PALLD: variants seen among roughly 807,000 people sequenced by gnomAD.
PALLD encodes palladin, cytoskeletal associated protein, also known as palladin.
PALLD carries 61 observed loss-of-function variants against 123.5 expected under a neutral mutation model. That is an observed-to-expected ratio of 0.49 (90% CI 0.40 to 0.61). The LOEUF is 0.61. Ranked by LOEUF, PALLD falls within the 20% of genes least tolerant of loss-of-function variation. The pLI is 0.00. For missense variants in PALLD, 1,273 were observed against 1,377.0 expected (o/e 0.92, Z 1.20); for synonymous variants, 465 against 496.4 (o/e 0.94, Z 0.84).
Position 168,803,852 on chromosome 4 carries a change from G to A in PALLD, c.1965-87070G>A, listed in dbSNP as rs75149005. ...ATGGGAGAGGACTTCAGTGCAAAAC[G>A]GTGTATGAAGTGTGTTGTCAGCAGA... On this transcript the variant is annotated intron_variant, in intron 10 of 21. Transcript: ENST00000505667. 8.9e-3 allele frequency among the ~76,000 whole-genome samples: 1,352 copies of A among 152,244 alleles called. 16 individuals are homozygous for A. Among genetic ancestry groups the A allele is most frequent in the Middle Eastern group, 0.024 (7 of 294 alleles).
intron 10 of PALLD, among the ~76,000 whole-genome samples, chr4:168,777,986 C>T (rs1050219184): frequency 4.6e-5 from 7 of 152,202 alleles, no homozygotes; most frequent in African/African-American, 1.4e-4. Flanking sequence ...CCAGACTCAC[C>T]TCAACCTCAG....
At chr4:168,804,373 A>G (rs1344414722) in intron 10 of PALLD, among the ~76,000 whole-genome samples, 7 of 152,246 alleles carry the variant, frequency 4.6e-5, no homozygotes, top group Admixed American at 4.6e-4. Context: ...AGGAACAAGG[A>G]ACTATAGGAG....
At chr4:168,628,938 A>C (rs1036624485) in intron 2 of PALLD, among the ~76,000 whole-genome samples, 1 of 152,192 alleles carries the variant, frequency 6.6e-6, no homozygotes, top group African/African-American at 2.4e-5. Flanking sequence ...ATGAACATAC[A>C]ATGTGGAAAG....
chr4:168,608,275 G>C (rs916658833), intron 2 of PALLD, among the ~76,000 whole-genome samples: 3 of 152,190 alleles, frequency 2.0e-5, no homozygotes, highest in Non-Finnish European at 4.4e-5. Flanking sequence ...TTTCTCAGAG[G>C]CATGAATCTG....
intron 15 of PALLD, among the ~76,000 whole-genome samples, chr4:168,912,902 A>T (rs1418319664): frequency 1.3e-5 from 2 of 152,172 alleles, no homozygotes; most frequent in African/African-American, 4.8e-5. Flanking sequence ...TCAATTGACA[A>T]ATTTAAGAGA....
chr4:168,857,311 T>C (rs2151010001), intron 10 of PALLD, among the ~76,000 whole-genome samples: 1 of 152,356 alleles, frequency 6.6e-6, no homozygotes, highest in Admixed American at 6.5e-5. Flanking sequence ...CATCTCAGGA[T>C]TTATTTATAA....
intron 2 of PALLD, among the ~76,000 whole-genome samples, chr4:168,600,046 T>A (rs113846738): frequency 1.4e-5 from 2 of 144,766 alleles, no homozygotes; most frequent in Non-Finnish European, 3.0e-5. Context: ...TACATGTGTA[T>A]ACACACATAT....
intron 10 of PALLD, among the ~76,000 whole-genome samples, chr4:168,813,145 A>C (rs1367861532): frequency 1.3e-5 from 2 of 152,066 alleles, no homozygotes; most frequent in African/African-American, 4.8e-5. Context: ...TTTCTACCAC[A>C]TGTTTAATGA....
intron 10 of PALLD, among the ~76,000 whole-genome samples, chr4:168,788,278 A>G (rs1004686632): frequency 1.7e-4 from 26 of 148,802 alleles, no homozygotes; most frequent in African/African-American, 5.6e-4. Context: ...GAAAATACAT[A>G]ATGACTGGTT....
intron 2 of PALLD, among the ~76,000 whole-genome samples, chr4:168,610,664 A>G (rs1773641447): frequency 6.6e-6 from 1 of 152,164 alleles, no homozygotes; most frequent in Non-Finnish European, 1.5e-5. Context: ...TCTAGAGGCC[A>G]ACTTCCATTC....
At chr4:168,669,915 G>A (rs1231754662) in intron 3 of PALLD, among the ~76,000 whole-genome samples, 1 of 151,992 alleles carries the variant, frequency 6.6e-6, no homozygotes, top group African/African-American at 2.4e-5. Flanking sequence ...CTTGTTCAAA[G>A]TCACACAATA....
chr4:168,545,789 A>C (rs1262568966), intron 2 of PALLD, among the ~76,000 whole-genome samples: 1 of 152,208 alleles, frequency 6.6e-6, no homozygotes, highest in Non-Finnish European at 1.5e-5. Flanking sequence ...TAATTACATA[A>C]TGTCAGTTTA....
At chr4:168,875,825 G>A (rs1404313259) in intron 10 of PALLD, among the ~76,000 whole-genome samples, 2 of 152,194 alleles carry the variant, frequency 1.3e-5, no homozygotes, top group African/African-American at 4.8e-5. Context: ...GGGCTTTCCT[G>A]CCCTGGTTTC....
At chr4:168,778,687 T>C (rs1735502074) in intron 10 of PALLD, among the ~76,000 whole-genome samples, 1 of 152,238 alleles carries the variant, frequency 6.6e-6, no homozygotes, top group South Asian at 2.1e-4. Flanking sequence ...ATGCCTTACT[T>C]GCGTAAGGAA....
intron 2 of PALLD, among the ~76,000 whole-genome samples, chr4:168,574,312 A>G (rs146824408): frequency 6.6e-6 from 1 of 152,208 alleles, no homozygotes; most frequent in African/African-American, 2.4e-5. Flanking sequence ...AGAAACAAAA[A>G]ATTAAGAAAG....
intron 2 of PALLD, chr4:168,631,612 G>A: frequency 2.0e-6 from 2 of 985,580 alleles, no homozygotes; most frequent in East Asian, 2.3e-4. Context: ...GGCGAGACGC[G>A]GCGCATTCGC....
intron 2 of PALLD, among the ~76,000 whole-genome samples, chr4:168,548,699 A>G (rs1197418802): frequency 1.3e-5 from 2 of 152,242 alleles, no homozygotes; most frequent in African/African-American, 2.4e-5. Flanking sequence ...AGAGCATCCT[A>G]TGATATAATA....
chr4:168,685,811 A>G (rs1045786977), intron 6 of PALLD, among the ~76,000 whole-genome samples: 1 of 16,302 alleles, frequency 6.1e-5, no homozygotes, highest in African/African-American at 2.3e-4. Context: ...AGACAGATAG[A>G]AAAAAAAAAA....
chr4:168,829,243 T>G (rs1743852421), intron 10 of PALLD: 1 of 152,218 alleles, frequency 6.6e-6, no homozygotes, highest in Non-Finnish European at 1.5e-5. Context: ...TGAAAACTGG[T>G]CCACGTGTAC....
Sources: gnomAD v4.1 joint callset for allele counts (sites outside exome capture counted in the v4.1 genomes callset) on GRCh38, gnomAD v4.1.1 for gene constraint, MANE v1.5 for transcripts, NCBI Gene and HGNC (gene_info 2026-07-23, HGNC 2026-07-21) for gene names.